The following NMRAL1 variants were observed in gnomAD, a reference collection of about 807,000 sequenced individuals.
The protein encoded by NMRAL1 is NmrA like redox sensor 1.
Under a neutral mutation model 27.5 loss-of-function variants are expected in NMRAL1, and 32 were observed. The observed-to-expected ratio is 1.16, with a 90% CI of 0.88 to 1.56. The LOEUF (loss-of-function observed/expected upper bound fraction) is 1.56. Among genes scored for constraint, NMRAL1 ranks in the 40% most tolerant of loss-of-function variants. The pLI, the probability that NMRAL1 is intolerant of heterozygous loss-of-function variation, is 0.00. For missense variants in NMRAL1, 420 were observed against 392.0 expected (o/e 1.07, Z -0.60); for synonymous variants, 166 against 166.8 (o/e 1.00, Z 0.04).
At chr16:4,475,898 C>T (rs1455119094), upstream of NMRAL1, 1 of 152,158 alleles carries the variant, frequency 6.6e-6, no homozygotes, top group African/African-American at 2.4e-5. Context: ...GAGATCACGT[C>T]ATTGCACTCC....
intron 3 of NMRAL1, among the ~76,000 whole-genome samples, chr16:4,467,621 T>C (rs751360650): frequency 6.6e-6 from 1 of 151,088 alleles, no homozygotes. Context: ...ATTTCTGTGG[T>C]TTTTGTTTTT....
At chr16:4,465,442 CACCTA>C (rs1362551695) in intron 4 of NMRAL1, among the ~76,000 whole-genome samples, 1 of 152,246 alleles carries the variant, frequency 6.6e-6, no homozygotes, top group African/African-American at 2.4e-5. Flanking sequence ...AGGGCCAGTG[CACCTA>C]ACCTGTTTAT....
intron 2 of NMRAL1, among the ~76,000 whole-genome samples, chr16:4,470,225 T>C (rs1365497735): frequency 6.8e-6 from 1 of 147,604 alleles, no homozygotes; most frequent in Non-Finnish European, 1.5e-5. Context: ...ATCCTAGCAC[T>C]TTGAGAGGCC....
At chr16:4,469,159 C>T (rs778965628) in intron 3 of NMRAL1, 68 bp downstream of exon 3, 7 of 1,021,088 alleles carry the variant, frequency 6.9e-6, no homozygotes, top group East Asian at 4.8e-5. Flanking sequence ...CCTGCAGAGT[C>T]GGAGCTCCTC....
At chr16:4,475,517 G>A, upstream of NMRAL1, among the ~76,000 whole-genome samples, 1 of 151,634 alleles carries the variant, frequency 6.6e-6, no homozygotes, top group East Asian at 1.9e-4. Flanking sequence ...TCAACATGCT[G>A]GCCAGGCTGG....
rs768192553 is a variant in NMRAL1, at chr16:4,469,409, G to C, written c.97C>G (p.Arg33Gly). 1 of 1,614,064 alleles carries C rather than the reference G, an allele frequency of 6.2e-7. No individual in the cohort carries two copies. Among genetic ancestry groups the C allele is most frequent in the Non-Finnish European group, 8.5e-7 (1 of 1,180,002 alleles). ...TLLEDGTFKVRVVTRNPRKKA... is the reference protein window; with the variant it reads ...TLLEDGTFKVGVVTRNPRKKA... The stretch of plus-strand genomic sequence containing the variant: ...TTCCTAGGGTTTCGGGTCACCACTC[G>C]AACCTTGAATGTCCCATCTTCCAGG... The change falls in exon 3 of 6, where the codon CGA becomes GGA. Residue 33 changes from arginine to glycine, a missense_variant. By Grantham distance (125) the Arg-to-Gly change is moderately radical. Coordinates refer to ENST00000283429, the MANE Select transcript of NMRAL1 (RefSeq NM_020677.6).
At chr16:4,472,272 T>G (rs963916014) in intron 2 of NMRAL1, among the ~76,000 whole-genome samples, 1 of 151,920 alleles carries the variant, frequency 6.6e-6, no homozygotes, top group Non-Finnish European at 1.5e-5. Flanking sequence ...TGAAACCCCG[T>G]CTCTACTAAA....
At chr16:4,472,536 G>A (rs1276809914) in intron 2 of NMRAL1, among the ~76,000 whole-genome samples, 1 of 152,170 alleles carries the variant, frequency 6.6e-6, no homozygotes, top group African/African-American at 2.4e-5. Flanking sequence ...CCTGAGGTCA[G>A]GAGTTTGAGA....
At chr16:4,463,266 A>C (rs921989605) in intron 5 of NMRAL1, among the ~76,000 whole-genome samples, 1 of 152,084 alleles carries the variant, frequency 6.6e-6, no homozygotes, top group African/African-American at 2.4e-5. Context: ...AGCCAGGCCA[A>C]TGGGGGCAGG....
Position 4,464,570 on chromosome 16 carries a change from C to T in NMRAL1, c.530-720G>A, listed in dbSNP as rs1303236365. On this transcript the variant is annotated intron_variant, in intron 4 of 5. Coordinates refer to ENST00000283429, the MANE Select transcript of NMRAL1 (RefSeq NM_020677.6). ...CAGATCACCTGGGAGCTCGAGGGCA[C>T]AGAGCGCACAGACCGGAGCAGGAGA... 3.3e-5 allele frequency among the ~76,000 whole-genome samples: 5 copies of T among 150,926 alleles called. 1 individual carries two copies. In the East Asian group the frequency reaches 9.7e-4, roughly 29 times the overall value.
At chr16:4,470,802 C>A (rs912675090) in intron 2 of NMRAL1, among the ~76,000 whole-genome samples, 2 of 151,956 alleles carry the variant, frequency 1.3e-5, no homozygotes, top group African/African-American at 4.8e-5. Flanking sequence ...AAAAACTTAG[C>A]CGGGCGTGGT....
intron 4 of NMRAL1, among the ~76,000 whole-genome samples, chr16:4,465,163 C>T (rs984051219): frequency 2.0e-5 from 3 of 152,156 alleles, no homozygotes; most frequent in Admixed American, 6.5e-5. Flanking sequence ...CTGCCCACCT[C>T]GGCTTCCCAA....
At chr16:4,462,769 C>T (rs538680572) in intron 5 of NMRAL1, among the ~76,000 whole-genome samples, 5 of 152,118 alleles carry the variant, frequency 3.3e-5, no homozygotes, top group African/African-American at 1.2e-4. Context: ...TGTAATTGCC[C>T]GCCTCAGCCT....
At chr16:4,470,864 A>G (rs1461824211) in intron 2 of NMRAL1, among the ~76,000 whole-genome samples, 2 of 150,416 alleles carry the variant, frequency 1.3e-5, no homozygotes, top group Non-Finnish European at 3.0e-5. Context: ...GGAGAATGGC[A>G]TGAACCCAGG....
intron 3 of NMRAL1, among the ~76,000 whole-genome samples, chr16:4,468,344 T>C (rs771386282): frequency 6.0e-5 from 9 of 150,194 alleles, no homozygotes; most frequent in Non-Finnish European, 1.2e-4. Context: ...GGGCCGGGCA[T>C]GTGGCTTACG....
At chr16:4,474,223 G>T in intron 1 of NMRAL1, 57 bp from the exon 2 acceptor site, 1 of 1,290,062 alleles carries the variant, frequency 7.8e-7, no homozygotes, top group Non-Finnish European at 1.1e-6. Context: ...CGCCAGGAGC[G>T]ACAAAGGACA....
chr16:4,469,406 C>T lies in NMRAL1; in HGVS notation c.100G>A (p.Val34Met), dbSNP rs774419647. ...TTCTTCCTAGGGTTTCGGGTCACCA[C>T]TCGAACCTTGAATGTCCCATCTTCC... Reference protein sequence around the residue: ...LLEDGTFKVRVVTRNPRKKAA... With the variant: ...LLEDGTFKVRMVTRNPRKKAA... The change falls in exon 3 of 6, where the codon GTG becomes ATG. Residue 34 changes from valine to methionine, a missense_variant. Physicochemically the swap from Val to Met is conservative, Grantham distance 21. Transcript: ENST00000283429. The T allele has an allele frequency of 9.9e-6, 16 of 1,614,160 alleles. No individual in the cohort carries two copies. In the Admixed American group the frequency reaches 2.5e-4, roughly 25 times the overall value.
chr16:4,476,307 C>T (rs2057829529), upstream of NMRAL1: 1 of 152,300 alleles, frequency 6.6e-6, no homozygotes, highest in South Asian at 2.1e-4. Context: ...CTTCCCGCCC[C>T]CGGCAAGGGC....
At chr16:4,466,035 AACGTGAGGGAGCC>A (rs1169948309) in intron 4 of NMRAL1, 105 bp downstream of exon 4, 1 of 1,271,078 alleles carries the variant, frequency 7.9e-7, no homozygotes, top group Non-Finnish European at 1.1e-6. Context: ...TCCTGGGCCT[AACGTGAGGGAGCC>A]ACGGCTTGAA....
Sources: gnomAD v4.1 joint callset for allele counts (sites outside exome capture counted in the v4.1 genomes callset) on GRCh38, gnomAD v4.1.1 for gene constraint, MANE v1.5 for transcripts, NCBI Gene and HGNC (gene_info 2026-07-23, HGNC 2026-07-21) for gene names.